The following SGCD variants were observed in gnomAD, a reference collection of about 807,000 sequenced individuals.
The protein encoded by SGCD is delta-sarcoglycan.
SGCD carries 18 observed loss-of-function variants against 36.6 expected under a neutral mutation model. That is an observed-to-expected ratio of 0.49 (90% CI 0.34 to 0.73). SGCD has a LOEUF of 0.73. SGCD is among the 30% of genes least tolerant of loss of function. The probability of loss-of-function intolerance (pLI) is 0.01; values close to 1 mark genes in which losing one functional copy is unlikely to be tolerated. For synonymous variants in SGCD, 133 were observed against 130.6 expected (o/e 1.02, Z -0.12); for missense variants, 387 against 346.7 (o/e 1.12, Z -0.92).
intron 1 of SGCD, among the ~76,000 whole-genome samples, chr5:155,975,609 C>CCTTTTTTTTTTTTTTTTTTTTTTTTT (rs1758096365): frequency 3.6e-5 from 1 of 28,008 alleles, no homozygotes; most frequent in Non-Finnish European, 6.9e-5. Context: ...TCTTTCTTTC[C>CCTTTTTTTTTTTTTTTTTTTTTTTTT]TTTTTTTTTT....
intron 1 of SGCD, among the ~76,000 whole-genome samples, chr5:155,959,972 G>A (rs1757757539): frequency 6.6e-6 from 1 of 152,036 alleles, no homozygotes; most frequent in East Asian, 1.9e-4. Context: ...CAAGGCCCTT[G>A]TCCTAACCCC....
At chr5:156,150,372 G>C (rs760121515) in intron 3 of SGCD, among the ~76,000 whole-genome samples, 2 of 151,572 alleles carry the variant, frequency 1.3e-5, no homozygotes, top group Non-Finnish European at 2.9e-5. Context: ...ACACTAGTCT[G>C]CTTCCATCCC....
chr5:155,999,608 T>G (rs979430959), intron 1 of SGCD, among the ~76,000 whole-genome samples: 1 of 152,138 alleles, frequency 6.6e-6, no homozygotes, highest in Non-Finnish European at 1.5e-5. Context: ...ATGGCTCCCC[T>G]GAAAAACCAA....
chr5:156,288,817 G>A (rs183675671), intron 3 of SGCD, among the ~76,000 whole-genome samples: 19 of 152,084 alleles, frequency 1.2e-4, no homozygotes, highest in African/African-American at 3.4e-4. Context: ...GATTAAGTCC[G>A]TAGGATCTAG....
intron 3 of SGCD, among the ~76,000 whole-genome samples, chr5:156,476,979 C>G (rs1256870929): frequency 1.4e-5 from 2 of 146,962 alleles, no homozygotes; most frequent in African/African-American, 2.5e-5. Context: ...TTGGAACTCA[C>G]AATATCCTTG....
At chr5:156,290,189 C>G (rs1020056065) in intron 3 of SGCD, among the ~76,000 whole-genome samples, 3 of 152,000 alleles carry the variant, frequency 2.0e-5, no homozygotes, top group African/African-American at 7.3e-5. Flanking sequence ...CTATTATTAC[C>G]TGTATTTTAC....
At chr5:155,861,439 A>C in the SGCD span, among the ~76,000 whole-genome samples, 2 of 151,690 alleles carry the variant, frequency 1.3e-5, no homozygotes, top group Non-Finnish European at 2.9e-5. Context: ...ACGGTGGCTC[A>C]CTCCTGTAAT....
chr5:156,551,738 C>T (rs1354686359), intron 4 of SGCD, among the ~76,000 whole-genome samples: 1 of 152,106 alleles, frequency 6.6e-6, no homozygotes, highest in Non-Finnish European at 1.5e-5. Flanking sequence ...TAAGAGCTAC[C>T]TCCCATGGTC....
chr5:156,571,200 C>T (rs534338838), intron 4 of SGCD, among the ~76,000 whole-genome samples: 2 of 152,066 alleles, frequency 1.3e-5, no homozygotes, highest in South Asian at 2.1e-4. Context: ...TGTGTGCTAT[C>T]GCACCCAGCT....
intron 7 of SGCD, among the ~76,000 whole-genome samples, chr5:156,703,745 A>G (rs1754626033): frequency 6.6e-6 from 1 of 152,202 alleles, no homozygotes; most frequent in Non-Finnish European, 1.5e-5. Flanking sequence ...ATATAAAATA[A>G]CAATATAATT....
At chr5:156,709,172 G>A (rs941638754) in intron 7 of SGCD, among the ~76,000 whole-genome samples, 2 of 152,168 alleles carry the variant, frequency 1.3e-5, no homozygotes, top group Non-Finnish European at 1.5e-5. Context: ...GCAGAGTGAC[G>A]TTTTGGATGG....
intron 1 of SGCD, among the ~76,000 whole-genome samples, chr5:155,934,434 A>G (rs949087133): frequency 2.6e-5 from 4 of 152,196 alleles, no homozygotes; most frequent in African/African-American, 7.2e-5. Flanking sequence ...TCAATACTCA[A>G]GCACATTTAA....
chr5:155,968,676 G>T (rs1455324879), intron 1 of SGCD, among the ~76,000 whole-genome samples: 1 of 151,974 alleles, frequency 6.6e-6, no homozygotes, highest in Non-Finnish European at 1.5e-5. Context: ...CATCTACTGG[G>T]GATCTTGGAA....
chr5:156,296,263 A>G (rs1370033445), intron 3 of SGCD, among the ~76,000 whole-genome samples: 2 of 152,164 alleles, frequency 1.3e-5, no homozygotes, highest in Non-Finnish European at 2.9e-5. Context: ...TAAGGCAGAT[A>G]TCTCTATCAA....
At chr5:156,160,344 G>A (rs1581137724) in intron 3 of SGCD, among the ~76,000 whole-genome samples, 1 of 151,372 alleles carries the variant, frequency 6.6e-6, no homozygotes, top group East Asian at 1.9e-4. Context: ...TTGGTCTTCC[G>A]AGTTTTTCTA....
chr5:156,189,657 A>G (rs1415276024), intron 3 of SGCD, among the ~76,000 whole-genome samples: 1 of 151,940 alleles, frequency 6.6e-6, no homozygotes, highest in Non-Finnish European at 1.5e-5. Flanking sequence ...TAAGGGCATG[A>G]AAGGACAAGA....
intron 3 of SGCD, among the ~76,000 whole-genome samples, chr5:156,359,660 G>C (rs1488801380): frequency 6.6e-6 from 1 of 152,088 alleles, no homozygotes. Context: ...CTGTGCTTGT[G>C]GTATTATTAA....
intron 1 of SGCD, among the ~76,000 whole-genome samples, chr5:155,990,893 T>C (rs1758417768): frequency 6.6e-6 from 1 of 152,206 alleles, no homozygotes; most frequent in Admixed American, 6.5e-5. Flanking sequence ...ATTTTCTGTA[T>C]GTTTAATCAC....
At chr5:156,209,039 G>A (rs745874920) in intron 3 of SGCD, among the ~76,000 whole-genome samples, 17 of 152,240 alleles carry the variant, frequency 1.1e-4, no homozygotes, top group Non-Finnish European at 2.4e-4. Flanking sequence ...AGGGAAGTGA[G>A]CACCAGACAT....
Sources: gnomAD v4.1 joint callset for allele counts (sites outside exome capture counted in the v4.1 genomes callset) on GRCh38, gnomAD v4.1.1 for gene constraint, MANE v1.5 for transcripts, NCBI Gene and HGNC (gene_info 2026-07-23, HGNC 2026-07-21) for gene names.